The following ANK3 variants were observed in gnomAD, a reference collection of about 807,000 sequenced individuals.
ANK3 encodes ankyrin-3.
Under a neutral mutation model 370.9 loss-of-function variants are expected in ANK3, and 57 were observed. That is an observed-to-expected ratio of 0.15 (90% CI 0.12 to 0.19). The LOEUF (loss-of-function observed/expected upper bound fraction) is 0.19. Ranked by LOEUF, ANK3 falls within the 10% of genes least tolerant of loss-of-function variation. The pLI is 1.00. For missense variants in ANK3, 4,439 were observed against 5,302.1 expected (o/e 0.84, Z 5.06); for synonymous variants, 1,929 against 1,946.3 (o/e 0.99, Z 0.23).
chr10:60,157,333 G>A (rs2095362756), intron 23 of ANK3, among the ~76,000 whole-genome samples: 1 of 137,838 alleles, frequency 7.3e-6, no homozygotes, highest in African/African-American at 2.9e-5. Context: ...CACTGTGCCC[G>A]GCTTTTTTTT....
rs1239721347 is a variant in ANK3, at chr10:60,135,012, T to C, written c.2739-639A>G. Among the ~76,000 whole-genome samples, 7 of 152,330 alleles carry C rather than the reference T, an allele frequency of 4.6e-5. No homozygotes were observed. The East Asian group carries it at 1.4e-3, about 29-fold the overall frequency. On this transcript the variant is annotated intron_variant, in intron 24 of 43. Coordinates refer to ENST00000280772, the MANE Select transcript of ANK3 (RefSeq NM_020987.5). ...GTTGTCTTTCTAGCTCCTCCAACTG[T>C]TCTTTCCAGCCACTGTCAAATCCTC...
chr10:60,657,995 T>G (rs2078888190), intron 1 of ANK3, among the ~76,000 whole-genome samples: 1 of 149,788 alleles, frequency 6.7e-6, no homozygotes, highest in African/African-American at 2.4e-5. Flanking sequence ...CTCCTTATCT[T>G]GAAGTCTATA....
At chr10:60,084,523 G>T (rs753176062) in intron 32 of ANK3, 79 bp downstream of exon 32, 1 of 1,082,392 alleles carries the variant, frequency 9.2e-7, no homozygotes. Context: ...ATTTTATAGT[G>T]AGTGCTATTA....
intron 1 of ANK3, among the ~76,000 whole-genome samples, chr10:60,372,290 C>G (rs2060203384): frequency 6.6e-6 from 1 of 152,172 alleles, no homozygotes; most frequent in Non-Finnish European, 1.5e-5. Flanking sequence ...GTGGCAACAA[C>G]TGTGGATGTA....
chr10:60,177,227 G>A (rs2095993095), intron 18 of ANK3, among the ~76,000 whole-genome samples: 1 of 152,146 alleles, frequency 6.6e-6, no homozygotes, highest in Admixed American at 6.5e-5. Flanking sequence ...TGGATCCCGA[G>A]GGTTTTGTCT....
chr10:60,122,579 A>T (rs752024356), intron 25 of ANK3, among the ~76,000 whole-genome samples: 1 of 152,200 alleles, frequency 6.6e-6, no homozygotes, highest in South Asian at 2.1e-4. Flanking sequence ...TTAGCAGATT[A>T]CTCAACTTTT....
intron 1 of ANK3, among the ~76,000 whole-genome samples, chr10:60,309,928 T>C (rs1593467680): frequency 1.3e-5 from 2 of 149,852 alleles, no homozygotes; most frequent in East Asian, 1.9e-4. Context: ...TTTTCTTTTT[T>C]TTTTTTTTTT....
At chr10:60,305,838 C>T (rs868407245) in intron 1 of ANK3, among the ~76,000 whole-genome samples, 3 of 152,296 alleles carry the variant, frequency 2.0e-5, no homozygotes, top group Middle Eastern at 6.8e-3. Flanking sequence ...TGAGCCCAGG[C>T]AGATGGGGAG....
chr10:60,167,500 T>A (rs2095653355), intron 21 of ANK3, among the ~76,000 whole-genome samples: 1 of 151,722 alleles, frequency 6.6e-6, no homozygotes, highest in African/African-American at 2.4e-5. Flanking sequence ...AGCAAATGCC[T>A]ACTGCCTCTT....
At chr10:60,155,263 GGAAA>G (rs1270933988) in intron 23 of ANK3, among the ~76,000 whole-genome samples, 1 of 152,218 alleles carries the variant, frequency 6.6e-6, no homozygotes, top group African/African-American at 2.4e-5. Flanking sequence ...TGTGGGCCTG[GGAAA>G]GAGAGAGCAA....
At chr10:60,430,537 T>C (rs999040506) in intron 2 of ANK3, among the ~76,000 whole-genome samples, 1 of 152,142 alleles carries the variant, frequency 6.6e-6, no homozygotes, top group Non-Finnish European at 1.5e-5. Context: ...CAGGACACTA[T>C]TAAGATTGAA....
chr10:60,168,860 C>A (rs954848154), intron 21 of ANK3, among the ~76,000 whole-genome samples: 3 of 152,184 alleles, frequency 2.0e-5, no homozygotes, highest in Non-Finnish European at 4.4e-5. Flanking sequence ...CATGTCCCTG[C>A]AAAGGACATG....
At chr10:60,278,942 C>A (rs1177614785) in intron 3 of ANK3, 70 bp from the exon 4 acceptor site, 3 of 1,570,446 alleles carry the variant, frequency 1.9e-6, no homozygotes, top group South Asian at 1.1e-5. Context: ...CCAAAGAGAA[C>A]AAATTTGACA....
intron 16 of ANK3, among the ~76,000 whole-genome samples, chr10:60,195,055 C>T (rs2096562141): frequency 6.6e-6 from 1 of 152,052 alleles, no homozygotes; most frequent in African/African-American, 2.4e-5. Flanking sequence ...GAGAGCACTG[C>T]AGCTGCCCCA....
intron 1 of ANK3, among the ~76,000 whole-genome samples, chr10:60,338,664 T>C (rs554308969): frequency 9.1e-4 from 139 of 152,312 alleles, no homozygotes; most frequent in African/African-American, 3.1e-3. Flanking sequence ...TCTCCCATGG[T>C]GATTTATAAG....
At chr10:60,215,366 G>C (rs1179604193) in intron 8 of ANK3, among the ~76,000 whole-genome samples, 1 of 152,080 alleles carries the variant, frequency 6.6e-6, no homozygotes, top group African/African-American at 2.4e-5. Flanking sequence ...AGTTTAATTA[G>C]ATCTCATTTG....
Position 60,473,593 on chromosome 10 carries a change from C to G in ANK3, c.96+141593G>C, listed in dbSNP as rs75836351. On this transcript the variant is annotated intron_variant, in intron 2 of 43. Transcript: ENST00000373827. Reference sequence around the variant, plus strand: ...GACCCCTTAAGAAAAGGACAACTTTCCTATCCTGTTCATTTAGGAGCACTA... The same window carrying G: ...GACCCCTTAAGAAAAGGACAACTTTGCTATCCTGTTCATTTAGGAGCACTA... Among the ~76,000 whole-genome samples the G allele has an allele frequency of 7.3e-3, 1,114 of 152,134 alleles. 15 individuals are homozygous for G. The highest frequency in any genetic ancestry group is 0.025 in the African/African-American group (1,050 of 41,528).
chr10:60,690,898 T>C (rs2079342830), intron 1 of ANK3, among the ~76,000 whole-genome samples: 1 of 152,176 alleles, frequency 6.6e-6, no homozygotes, highest in African/African-American at 2.4e-5. Flanking sequence ...GCATTGCGAA[T>C]TCTAATTTTA....
chr10:60,602,174 A>G (rs569475586), intron 2 of ANK3, among the ~76,000 whole-genome samples: 1 of 152,274 alleles, frequency 6.6e-6, no homozygotes, highest in South Asian at 2.1e-4. Context: ...TAAAATCAGT[A>G]TTATTATTTA....
Sources: gnomAD v4.1 joint callset for allele counts (sites outside exome capture counted in the v4.1 genomes callset) on GRCh38, gnomAD v4.1.1 for gene constraint, MANE v1.5 for transcripts, NCBI Gene and HGNC (gene_info 2026-07-23, HGNC 2026-07-21) for gene names.